The following MALRD1 variants were observed in gnomAD, a reference collection of about 807,000 sequenced individuals.
MALRD1 encodes MAM and LDL-receptor class A domain-containing protein 1.
In MALRD1, 247 loss-of-function variants were observed where a neutral mutation model predicts 242.1. The ratio of observed to expected loss-of-function variants is 1.02; its 90% CI spans 0.92 to 1.13. The LOEUF (loss-of-function observed/expected upper bound fraction) is 1.13. MALRD1 is among the 50% of genes most tolerant of loss of function. The pLI is 0.00. For synonymous variants in MALRD1, 995 were observed against 866.6 expected, an observed-to-expected ratio of 1.15 and a Z score of -2.60; for missense variants, 2,989 against 2,533.1, an observed-to-expected ratio of 1.18 and a Z score of -3.86.
At chr10:19,217,000 A>G (rs1837349506) in intron 18 of MALRD1, among the ~76,000 whole-genome samples, 1 of 152,120 alleles carries the variant, frequency 6.6e-6, no homozygotes, top group Non-Finnish European at 1.5e-5. Flanking sequence ...TGGAGAGGCC[A>G]AACCAATGGC....
At chr10:19,692,083 T>C (rs1468557904) in intron 36 of MALRD1, among the ~76,000 whole-genome samples, 199 bp from the exon 37 acceptor site, 1 of 152,132 alleles carries the variant, frequency 6.6e-6, no homozygotes, top group Non-Finnish European at 1.5e-5. Flanking sequence ...AAGAAAATTA[T>C]CTTACACAAT....
chr10:19,568,377 C>G (rs185267514), intron 33 of MALRD1, among the ~76,000 whole-genome samples: 191 of 144,386 alleles, frequency 1.3e-3, no homozygotes, highest in African/African-American at 5.3e-3. Flanking sequence ...TTGTTTTTTC[C>G]TAACACTCCT....
chr10:19,504,148 G>A (rs2131265730), intron 31 of MALRD1, among the ~76,000 whole-genome samples: 1 of 152,316 alleles, frequency 6.6e-6, no homozygotes, highest in Non-Finnish European at 1.5e-5. Flanking sequence ...GATGATAACT[G>A]TACTTCCTAT....
chr10:19,188,188 A>G (rs1300673732), intron 14 of MALRD1, among the ~76,000 whole-genome samples: 1 of 152,104 alleles, frequency 6.6e-6, no homozygotes, highest in African/African-American at 2.4e-5. Flanking sequence ...TTGAAAAGAG[A>G]TAGAAGGGGG....
chr10:19,551,502 C>T (rs1299619994), intron 32 of MALRD1, among the ~76,000 whole-genome samples: 1 of 152,092 alleles, frequency 6.6e-6, no homozygotes. Context: ...GAAGCTTTTG[C>T]ACTGAGACAG....
At chr10:19,345,121 T>A (rs981202664) in intron 24 of MALRD1, among the ~76,000 whole-genome samples, 1 of 152,184 alleles carries the variant, frequency 6.6e-6, no homozygotes, top group Non-Finnish European at 1.5e-5. Flanking sequence ...TCAAACTACT[T>A]ATTTTTGCTT....
chr10:19,306,622 TAAATG>T (rs562518770), intron 21 of MALRD1, among the ~76,000 whole-genome samples: 22 of 150,556 alleles, frequency 1.5e-4, no homozygotes, highest in Non-Finnish European at 2.7e-4. Flanking sequence ...TATATGTACT[TAAATG>T]AAGGTATATT....
rs865950469 is a variant in MALRD1, at chr10:19,232,545, G to T, written c.2991+22865G>T. ...CAAAAGTCTCCTTGGACTCAAACCAGGTCAGAGTGACATGATCATGTGCCT... is the reference window on the plus strand; with the variant it reads ...CAAAAGTCTCCTTGGACTCAAACCATGTCAGAGTGACATGATCATGTGCCT... On this transcript the variant is annotated intron_variant, in intron 18 of 39. Coordinates refer to ENST00000454679, the MANE Select transcript of MALRD1 (RefSeq NM_001142308.3). Among the ~76,000 whole-genome samples, 5 of 152,100 alleles carry T rather than the reference G, an allele frequency of 3.3e-5. No individual in the cohort carries two copies. The South Asian group carries it at 6.2e-4, about 19-fold the overall frequency.
chr10:19,259,655 A>G (rs571008863), intron 19 of MALRD1, among the ~76,000 whole-genome samples: 1 of 152,088 alleles, frequency 6.6e-6, no homozygotes, highest in Non-Finnish European at 1.5e-5. Context: ...ATAATTCAAG[A>G]TGAGATTTGG....
At chr10:19,361,098 A>G (rs957049285) in intron 26 of MALRD1, among the ~76,000 whole-genome samples, 2 of 152,114 alleles carry the variant, frequency 1.3e-5, no homozygotes, top group African/African-American at 4.8e-5. Flanking sequence ...TCTTGTAGTA[A>G]TAAAACTCCC....
At chr10:19,574,749 A>G (rs528998635) in intron 33 of MALRD1, among the ~76,000 whole-genome samples, 2 of 152,298 alleles carry the variant, frequency 1.3e-5, no homozygotes, top group South Asian at 4.1e-4. Flanking sequence ...TTATGATTAT[A>G]TGATACTGGA....
chr10:19,730,613 G>C (rs767739794), intron 38 of MALRD1, 93 bp from the exon 39 acceptor site: 3 of 1,210,904 alleles, frequency 2.5e-6, no homozygotes, highest in Non-Finnish European at 3.5e-6. Flanking sequence ...TAGACAACAT[G>C]TCTCTCAAAA....
rs542174061 is a variant in MALRD1 at position 19,340,954 on chromosome 10, A to C, written c.3902-6817A>C. 5.3e-5 allele frequency among the ~76,000 whole-genome samples: 8 copies of C among 152,258 alleles called. No homozygotes were observed. The South Asian group carries it at 1.7e-3, about 32-fold the overall frequency. On this transcript the variant is annotated intron_variant, in intron 24 of 39. Transcript: ENST00000454679. ...TCAGGTGATTCATATGTGTATTAAAATTTGAAAAGCATTGCTCTCAATAAT... is the reference window on the plus strand; with the variant it reads ...TCAGGTGATTCATATGTGTATTAAACTTTGAAAAGCATTGCTCTCAATAAT...
At chr10:19,584,508 G>T (rs907519291) in intron 33 of MALRD1, among the ~76,000 whole-genome samples, 4 of 152,148 alleles carry the variant, frequency 2.6e-5, no homozygotes, top group Admixed American at 2.0e-4. Flanking sequence ...GGAGCAGGTT[G>T]GTCAGTTTCC....
chr10:19,516,254 A>G (rs1188101392), intron 31 of MALRD1, among the ~76,000 whole-genome samples: 1 of 152,154 alleles, frequency 6.6e-6, no homozygotes, highest in Non-Finnish European at 1.5e-5. Flanking sequence ...TTTCTATCTT[A>G]GAGTTTAAGG....
chr10:19,351,967 T>G (rs1439832878), intron 25 of MALRD1, 39 bp from the exon 26 acceptor site: 1 of 1,426,902 alleles, frequency 7.0e-7, no homozygotes, highest in Non-Finnish European at 9.5e-7. Context: ...TTAATTATAC[T>G]AATCATATCG....
chr10:19,668,558 A>T (rs536550489), intron 36 of MALRD1, among the ~76,000 whole-genome samples: 1 of 152,318 alleles, frequency 6.6e-6, no homozygotes, highest in East Asian at 1.9e-4. Flanking sequence ...ACAGATTCTG[A>T]TAGAAAAATA....
At chr10:19,341,111 G>C (rs1460424664) in intron 24 of MALRD1, among the ~76,000 whole-genome samples, 3 of 151,894 alleles carry the variant, frequency 2.0e-5, no homozygotes, top group African/African-American at 4.8e-5. Context: ...GCAATAATTT[G>C]TGTTTTATTT....
intron 28 of MALRD1, among the ~76,000 whole-genome samples, chr10:19,442,610 C>T (rs1326737504): frequency 6.6e-6 from 1 of 151,980 alleles, no homozygotes; most frequent in African/African-American, 2.4e-5. Context: ...TGTTTATATG[C>T]TGGATTATGT....
Sources: gnomAD v4.1 joint callset for allele counts (sites outside exome capture counted in the v4.1 genomes callset) on GRCh38, gnomAD v4.1.1 for gene constraint, MANE v1.5 for transcripts, NCBI Gene and HGNC (gene_info 2026-07-23, HGNC 2026-07-21) for gene names.